The following COMMD10 variants were observed in gnomAD, a reference collection of about 807,000 sequenced individuals.
COMMD10 encodes the protein COMM domain-containing protein 10.
A neutral mutation model predicts 28.9 loss-of-function variants in COMMD10; 33 were observed. The ratio of observed to expected loss-of-function variants is 1.14; its 90% CI spans 0.87 to 1.53. The LOEUF (loss-of-function observed/expected upper bound fraction) is 1.53. COMMD10 is among the 40% of genes most tolerant of loss of function. The probability of loss-of-function intolerance (pLI) is 0.00; values close to 1 mark genes in which losing one functional copy is unlikely to be tolerated. For synonymous variants in COMMD10, 110 were observed against 81.7 expected (o/e 1.35, Z -1.87); for missense variants, 310 against 233.4 (o/e 1.33, Z -2.14).
intron 5 of COMMD10, among the ~76,000 whole-genome samples, chr5:116,266,870 GA>G (rs1750601279): frequency 6.6e-6 from 1 of 151,844 alleles, no homozygotes; most frequent in Admixed American, 6.6e-5. Context: ...AATAGATGCA[GA>G]AAAGGCCTTT....
At position 116,273,310 on chromosome 5, in the gene COMMD10, C is replaced by G. The variant is rs1278156989; in HGVS notation, c.511-18207C>G. ...CCCTCCTTGTAATGTATCTTAATTCCCTATTCCATTAAATCTATGATTTTG... is the reference window on the plus strand; with the variant it reads ...CCCTCCTTGTAATGTATCTTAATTCGCTATTCCATTAAATCTATGATTTTG... On this transcript the variant is annotated intron_variant, in intron 5 of 6. Coordinates refer to ENST00000274458, the MANE Select transcript of COMMD10 (RefSeq NM_016144.4). Among the ~76,000 whole-genome samples the G allele has an allele frequency of 2.0e-5, 3 of 151,646 alleles. No homozygotes were observed. The East Asian group carries it at 5.8e-4, about 29-fold the overall frequency.
At chr5:116,263,480 C>G (rs114934522) in intron 5 of COMMD10, among the ~76,000 whole-genome samples, 4,301 of 151,738 alleles carry the variant, frequency 0.028, 270 homozygotes, top group African/African-American at 0.099. Context: ...ATAGAGAATC[C>G]CCTTTCCTCT....
intron 5 of COMMD10, chr5:116,218,423 G>A (rs1749160197): frequency 7.6e-6 from 3 of 393,216 alleles, no homozygotes; most frequent in South Asian, 5.1e-5. Flanking sequence ...ACTCTTAATA[G>A]TAAATTCTTT....
At chr5:116,204,002 C>A (rs372732775) in intron 5 of COMMD10, among the ~76,000 whole-genome samples, 1 of 152,070 alleles carries the variant, frequency 6.6e-6, no homozygotes, top group Non-Finnish European at 1.5e-5. Context: ...ACCCATCTCA[C>A]GTGCAGAGAC....
chr5:116,158,831 C>T (rs1279207396), intron 5 of COMMD10, among the ~76,000 whole-genome samples: 1 of 147,802 alleles, frequency 6.8e-6, no homozygotes, highest in Non-Finnish European at 1.5e-5. Flanking sequence ...TATGTAATGT[C>T]ATTTGCCTTG....
chr5:116,281,551 A>G (rs1404280725), intron 5 of COMMD10, among the ~76,000 whole-genome samples: 1 of 151,706 alleles, frequency 6.6e-6, no homozygotes, highest in Admixed American at 6.6e-5. Flanking sequence ...AGATCAGCAT[A>G]GACAATATAA....
chr5:116,288,872 CTTTTT>C (rs1157658912), intron 5 of COMMD10, among the ~76,000 whole-genome samples: 1,501 of 103,782 alleles, frequency 0.014, 3 homozygotes, highest in Middle Eastern at 0.029. Flanking sequence ...TGTTCTCTCT[CTTTTT>C]TTTTTTTTTT....
chr5:116,249,355 C>T (rs998506517), intron 5 of COMMD10, among the ~76,000 whole-genome samples: 1 of 151,908 alleles, frequency 6.6e-6, no homozygotes, highest in African/African-American at 2.4e-5. Context: ...CTGGCCATGG[C>T]AAACCACAAA....
chr5:116,128,956 T>C (rs1378914769), intron 4 of COMMD10, among the ~76,000 whole-genome samples: 1 of 151,914 alleles, frequency 6.6e-6, no homozygotes, highest in Non-Finnish European at 1.5e-5. Context: ...TTTTTGATAA[T>C]GTTAATTTTG....
At chr5:116,211,426 T>G (rs1748959878) in intron 5 of COMMD10, among the ~76,000 whole-genome samples, 1 of 152,148 alleles carries the variant, frequency 6.6e-6, no homozygotes, top group South Asian at 2.1e-4. Flanking sequence ...TTTGTATATT[T>G]AAACATAGAA....
intron 2 of COMMD10, 121 bp from the exon 3 acceptor site, chr5:116,090,958 T>G (rs879218865): frequency 1.8e-6 from 1 of 568,108 alleles, no homozygotes; most frequent in South Asian, 2.8e-5. Context: ...TCAGTTTCTT[T>G]TCACCATGTA....
intron 4 of COMMD10, among the ~76,000 whole-genome samples, chr5:116,098,146 T>A (rs1750525350): frequency 6.6e-6 from 1 of 152,234 alleles, no homozygotes; most frequent in Non-Finnish European, 1.5e-5. Context: ...GTCTTATTCC[T>A]TTTATATCAT....
chr5:116,089,243 C>T (rs560156513), intron 2 of COMMD10, among the ~76,000 whole-genome samples: 2 of 152,246 alleles, frequency 1.3e-5, no homozygotes, highest in African/African-American at 4.8e-5. Context: ...CATCTCTGGT[C>T]ATCTTCATTT....
intron 5 of COMMD10, among the ~76,000 whole-genome samples, chr5:116,143,254 C>T (rs1043868136): frequency 2.0e-5 from 3 of 151,448 alleles, no homozygotes; most frequent in African/African-American, 7.3e-5. Context: ...GGAAAGTCTA[C>T]ATTTATCCAT....
intron 5 of COMMD10, among the ~76,000 whole-genome samples, chr5:116,270,893 C>G (rs1250809240): frequency 6.7e-6 from 1 of 149,802 alleles, no homozygotes; most frequent in Non-Finnish European, 1.5e-5. Context: ...CAGCCGAGAT[C>G]ACACCATTAC....
intron 2 of COMMD10, among the ~76,000 whole-genome samples, chr5:116,089,287 C>G (rs1173226317): frequency 1.3e-5 from 2 of 152,160 alleles, no homozygotes; most frequent in Non-Finnish European, 2.9e-5. Context: ...AGATAGAGAT[C>G]AGTTAAGTAA....
chr5:116,220,989 A>G (rs1293540153), intron 5 of COMMD10, among the ~76,000 whole-genome samples: 1 of 152,002 alleles, frequency 6.6e-6, no homozygotes, highest in East Asian at 1.9e-4. Flanking sequence ...TTGTCCTACA[A>G]TCACAAAGAC....
intron 5 of COMMD10, among the ~76,000 whole-genome samples, chr5:116,173,810 A>G (rs1352519027): frequency 6.7e-6 from 1 of 149,224 alleles, no homozygotes; most frequent in East Asian, 2.0e-4. Flanking sequence ...TTTTTTTTCC[A>G]ACTGTTTTTG....
intron 5 of COMMD10, among the ~76,000 whole-genome samples, chr5:116,154,243 T>C (rs940781516): frequency 6.6e-6 from 1 of 152,188 alleles, no homozygotes; most frequent in Non-Finnish European, 1.5e-5. Flanking sequence ...AGAAGAAATG[T>C]TATTTTGTTA....
Sources: gnomAD v4.1 joint callset for allele counts (sites outside exome capture counted in the v4.1 genomes callset) on GRCh38, gnomAD v4.1.1 for gene constraint, MANE v1.5 for transcripts, NCBI Gene and HGNC (gene_info 2026-07-23, HGNC 2026-07-21) for gene names.